AMOTL1: variants seen among roughly 807,000 people sequenced by gnomAD.
The protein encoded by AMOTL1 is angiomotin-like protein 1.
AMOTL1 carries 45 observed loss-of-function variants against 102.9 expected under a neutral mutation model. The observed-to-expected ratio is 0.44, with a 90% CI of 0.34 to 0.56. The LOEUF is 0.56. AMOTL1 is among the 20% of genes least tolerant of loss of function. The pLI, the probability that AMOTL1 is intolerant of heterozygous loss-of-function variation, is 0.01. For synonymous variants in AMOTL1, 481 were observed against 484.7 expected, an observed-to-expected ratio of 0.99 and a Z score of 0.10; for missense variants, 1,114 against 1,225.6, an observed-to-expected ratio of 0.91 and a Z score of 1.36.
chr11:94,755,100 C>A (rs532072780), intron 3 of AMOTL1, among the ~76,000 whole-genome samples: 2 of 152,260 alleles, frequency 1.3e-5, no homozygotes, highest in African/African-American at 4.8e-5. Context: ...TTGATTGCTG[C>A]TATGCATATT....
chr11:94,731,484 C>T (rs1032695665), intron 2 of AMOTL1, among the ~76,000 whole-genome samples: 6 of 152,060 alleles, frequency 3.9e-5, no homozygotes, highest in South Asian at 2.1e-4. Flanking sequence ...ATGAGAACCT[C>T]GTGAGGTGTT....
chr11:94,735,536 T>C (rs930527567), intron 2 of AMOTL1, among the ~76,000 whole-genome samples: 3 of 152,348 alleles, frequency 2.0e-5, no homozygotes, highest in Non-Finnish European at 4.4e-5. Flanking sequence ...TTTTCTTCTA[T>C]GACTTTTTAA....
chr11:94,850,049 T>A, intron 6 of AMOTL1, 65 bp from the exon 7 acceptor site: 1 of 1,488,738 alleles, frequency 6.7e-7, no homozygotes, highest in Non-Finnish European at 9.0e-7. Context: ...AGATGTCGAC[T>A]GGCCGTGAGC....
rs1951745200 is a variant in AMOTL1, at chr11:94,815,259, T to C, written c.1122-6271T>C. The stretch of plus-strand genomic sequence containing the variant: ...TTATAAATGTAGCACAAAAGAAAAT[T>C]ATCTTTTTTTATGTAAACTTTGATA... On this transcript the variant is annotated intron_variant, in intron 3 of 12. Transcript: ENST00000433060. 2.0e-5 allele frequency among the ~76,000 whole-genome samples: 3 copies of C among 152,286 alleles called. 1 individual carries two copies. Among genetic ancestry groups the C allele is most frequent in the Middle Eastern group, 6.8e-3 (2 of 294 alleles).
Position 94,795,083 on chromosome 11 carries a change from A to G in AMOTL1, c.122A>G (p.Asp41Gly), listed in dbSNP as rs1449149591. The change falls in exon 2 of 13, where the codon GAC becomes GGC. Residue 41 changes from aspartate (D) to glycine (G), a missense_variant. By Grantham distance (94) the Asp-to-Gly change is moderately conservative. Transcript: ENST00000433060. The stretch of plus-strand genomic sequence containing the variant: ...GAAGACTCCACCTACTTTTCCCCAG[A>G]CTTTCAGCTCTATTCTGGGAGGCAT... ...VLEDSTYFSP[D>G]FQLYSGRHET... The G allele has an allele frequency of 6.2e-7, 1 of 1,613,608 alleles. No homozygotes were observed. Among genetic ancestry groups the G allele is most frequent in the East Asian group, 2.2e-5 (1 of 44,866 alleles).
intron 2 of AMOTL1, chr11:94,729,187 G>C (rs1445313663): frequency 5.4e-6 from 3 of 559,430 alleles, no homozygotes; most frequent in African/African-American, 4.0e-5. Flanking sequence ...AGAGGAGAGG[G>C]AATGGACTTT....
At chr11:94,751,148 C>T (rs1950649005) in intron 3 of AMOTL1, among the ~76,000 whole-genome samples, 1 of 152,160 alleles carries the variant, frequency 6.6e-6, no homozygotes, top group African/African-American at 2.4e-5. Flanking sequence ...AGCACAGGGA[C>T]AGGCAGTACA....
chr11:94,806,081 G>C (rs1951563432), intron 3 of AMOTL1, among the ~76,000 whole-genome samples: 1 of 152,190 alleles, frequency 6.6e-6, no homozygotes, highest in South Asian at 2.1e-4. Context: ...AGAGTCAGAG[G>C]CACTGACATT....
chr11:94,742,267 T>C (rs561955925), intron 3 of AMOTL1, among the ~76,000 whole-genome samples: 1 of 152,384 alleles, frequency 6.6e-6, no homozygotes, highest in South Asian at 2.1e-4. Context: ...CTTTTCATGA[T>C]GTGATTTATT....
chr11:94,808,303 T>C (rs2135590300), intron 3 of AMOTL1, among the ~76,000 whole-genome samples: 1 of 152,310 alleles, frequency 6.6e-6, no homozygotes, highest in East Asian at 1.9e-4. Flanking sequence ...ATGTAAATTG[T>C]GTATTCAGTT....
In AMOTL1 at chr11:94,746,137, A is replaced by C. The variant is rs138443953; in HGVS notation, c.136+5149A>C. Among the ~76,000 whole-genome samples the C allele has an allele frequency of 4.1e-3, 627 of 152,304 alleles. 8 individuals carry two copies. The highest frequency in any genetic ancestry group is 0.014 in the African/African-American group (583 of 41,556). Reference sequence around the variant, plus strand: ...CATATAATAAAATTAAGTCACCAAAAAGGGGATTTTTTAAAAGGCAGTAGA... The same window carrying C: ...CATATAATAAAATTAAGTCACCAAACAGGGGATTTTTTAAAAGGCAGTAGA... On this transcript the variant is annotated intron_variant, in intron 3 of 4. Coordinates refer to the AMOTL1 transcript ENST00000299004.
intron 1 of AMOTL1, among the ~76,000 whole-genome samples, chr11:94,772,978 G>C (rs1383634705): frequency 6.6e-6 from 1 of 152,198 alleles, no homozygotes; most frequent in Non-Finnish European, 1.5e-5. Flanking sequence ...TTTAATGTCT[G>C]TCTTTTTTAT....
chr11:94,799,393 A>C lies in AMOTL1; in HGVS notation c.203A>C (p.Glu68Ala). The C allele has an allele frequency of 6.4e-7, 1 of 1,560,746 alleles. No homozygotes were observed. Among genetic ancestry groups the C allele is most frequent in the Non-Finnish European group, 8.7e-7 (1 of 1,150,694 alleles). Reference protein sequence around the residue: ...ATSSIREKVVEDPLCNFHSPN... With the variant: ...ATSSIREKVVADPLCNFHSPN... ...TTTTCCTATGTTTATCTTTTAGTTGAAGATCCTCTTTGTAACTTCCACTCC... is the reference window on the plus strand; with the variant it reads ...TTTTCCTATGTTTATCTTTTAGTTGCAGATCCTCTTTGTAACTTCCACTCC... The change falls in exon 3 of 13, where the codon GAA (glutamate) becomes GCA (alanine). Residue 68 changes from glutamate (E) to alanine (A), a missense_variant. Physicochemically the swap from Glu to Ala is moderately radical, Grantham distance 107. Transcript: ENST00000433060. The surrounding 1 kb of genome is among the most constrained non-coding windows in gnomAD (Gnocchi z 4.5).
At chr11:94,770,603 C>T (rs949193631) in intron 1 of AMOTL1, among the ~76,000 whole-genome samples, 2 of 152,074 alleles carry the variant, frequency 1.3e-5, no homozygotes, top group African/African-American at 4.8e-5. Context: ...CCTTTCCCTC[C>T]CCCTTCTTTT....
At chr11:94,776,707 C>T (rs1565347654) in intron 1 of AMOTL1, among the ~76,000 whole-genome samples, 1 of 152,328 alleles carries the variant, frequency 6.6e-6, no homozygotes, top group East Asian at 1.9e-4. Context: ...AGCAATGTGA[C>T]CCCTGACAGC....
chr11:94,803,436 G>T (rs1591982088), intron 3 of AMOTL1, among the ~76,000 whole-genome samples: 1 of 152,296 alleles, frequency 6.6e-6, no homozygotes, highest in Non-Finnish European at 1.5e-5. Flanking sequence ...GGAGTGCTAA[G>T]GCAGCAGGGG....
intron 1 of AMOTL1, among the ~76,000 whole-genome samples, chr11:94,779,651 T>C (rs1361908205): frequency 1.3e-5 from 2 of 152,100 alleles, no homozygotes; most frequent in African/African-American, 4.8e-5. Flanking sequence ...ACTTGTCAGG[T>C]AGAACTTGAT....
At chr11:94,866,763 G>C (rs1592051053) in intron 11 of AMOTL1, 1 of 159,262 alleles carries the variant, frequency 6.3e-6, no homozygotes, top group East Asian at 1.8e-4. Context: ...TTACCCCATG[G>C]GGCGTGGGAG....
At position 94,872,240 on chromosome 11, in the gene AMOTL1, A is replaced by C. The variant is rs767202450; in HGVS notation, c.*1445A>C. ...AGCTCTGCAGACACTGGCTTCCTTTACAAATCTAAGAGATGCTGGATTAGA... is the reference window on the plus strand; with the variant it reads ...AGCTCTGCAGACACTGGCTTCCTTTCCAAATCTAAGAGATGCTGGATTAGA... On this transcript the variant is annotated 3_prime_UTR_variant, in exon 13 of 13. Transcript: ENST00000433060. 6.6e-6 allele frequency: 1 copy of C among 152,090 alleles called. No individual in the cohort carries two copies. The highest frequency in any genetic ancestry group is 1.5e-5 in the Non-Finnish European group (1 of 68,038). 9.4% of individuals were successfully genotyped at this position (152,090 alleles called of 1,614,324 possible). A position where few individuals can be genotyped will look rare whatever the true frequency, so the allele number is the denominator to read the frequency against.
Sources: gnomAD v4.1 joint callset for allele counts (sites outside exome capture counted in the v4.1 genomes callset) on GRCh38, gnomAD v4.1.1 for gene constraint, Gnocchi (gnomAD v3.1) non-coding constraint, MANE v1.5 for transcripts, NCBI Gene and HGNC (gene_info 2026-07-23, HGNC 2026-07-21) for gene names.